GALNT2: variants seen among roughly 807,000 people sequenced by gnomAD.
The protein encoded by GALNT2 is polypeptide N-acetylgalactosaminyltransferase 2, also known as UDP-GalNAc:polypeptide N-acetylgalactosaminyltransferase 2.
Under a neutral mutation model 81.4 loss-of-function variants are expected in GALNT2, and 31 were observed. The observed-to-expected ratio is 0.38, with a 90% CI of 0.29 to 0.51. GALNT2 has a LOEUF of 0.51. Ranked by LOEUF, GALNT2 falls within the 20% of genes least tolerant of loss-of-function variation. The pLI is 0.87. For missense variants in GALNT2, 629 were observed against 765.7 expected, an observed-to-expected ratio of 0.82 and a Z score of 2.11; for synonymous variants, 303 against 287.4, an observed-to-expected ratio of 1.05 and a Z score of -0.55.
chr1:230,229,160 A>G (rs1558150349), intron 3 of GALNT2, among the ~76,000 whole-genome samples: 1 of 152,254 alleles, frequency 6.6e-6, no homozygotes, highest in Non-Finnish European at 1.5e-5. Context: ...CATAAACAAA[A>G]TTAAAGCATC....
intron 1 of GALNT2, among the ~76,000 whole-genome samples, chr1:230,152,915 ATGGCCTTCTCTC>A (rs1230612611): frequency 6.6e-6 from 1 of 152,140 alleles, no homozygotes; most frequent in Non-Finnish European, 1.5e-5. Flanking sequence ...GCCTGTATCT[ATGGCCTTCTCTC>A]TGGCTGTGGT....
intron 2 of GALNT2, 44 bp downstream of exon 2, chr1:230,178,355 T>C: frequency 6.9e-7 from 1 of 1,447,708 alleles, no homozygotes; most frequent in Non-Finnish European, 9.7e-7. Context: ...GAGCACGTGA[T>C]TGGGAGTGGA....
intron 1 of GALNT2, among the ~76,000 whole-genome samples, chr1:230,058,989 C>T (rs1381801691): frequency 4.6e-5 from 7 of 152,160 alleles, no homozygotes; most frequent in Non-Finnish European, 8.8e-5. Flanking sequence ...GTGGGAGGGG[C>T]GTGCGAACGA....
At position 230,265,265 on chromosome 1, in the gene GALNT2, T is replaced by A; in HGVS notation, c.1338T>A (p.Ala446=). The change falls in exon 14 of 16, where the codon GCT becomes GCA. Residue 446 remains alanine (A), a synonymous_variant. Coordinates refer to ENST00000366672, the MANE Select transcript of GALNT2 (RefSeq NM_004481.5). ...ELRVPDHQDI[A]FGALQQGTNC... ...GGGTTCCAGACCATCAGGATATAGC[T>A]TTTGGGGCCTTGCAGCAGGGAACTA... 6.2e-7 allele frequency: 1 copy of A among 1,614,196 alleles called. No homozygotes were observed.
chr1:230,192,062 A>C (rs1663544427), intron 2 of GALNT2, among the ~76,000 whole-genome samples: 1 of 152,260 alleles, frequency 6.6e-6, no homozygotes, highest in African/African-American at 2.4e-5. Flanking sequence ...TCAGAGACTC[A>C]GTCACTCCAG....
At chr1:230,059,662 G>A (rs1658997307) in intron 1 of GALNT2, among the ~76,000 whole-genome samples, 1 of 152,140 alleles carries the variant, frequency 6.6e-6, no homozygotes, top group Non-Finnish European at 1.5e-5. Flanking sequence ...TCACCATATT[G>A]CATGTAAAAC....
intron 1 of GALNT2, among the ~76,000 whole-genome samples, chr1:230,128,918 A>G (rs955097606): frequency 6.6e-6 from 1 of 152,200 alleles, no homozygotes; most frequent in African/African-American, 2.4e-5. Flanking sequence ...TCAGCCTGGC[A>G]CTTTGTGGAT....
At chr1:230,216,989 A>G (rs920996435) in intron 3 of GALNT2, among the ~76,000 whole-genome samples, 5 of 152,184 alleles carry the variant, frequency 3.3e-5, no homozygotes, top group Admixed American at 2.6e-4. Context: ...ATTTATTTTT[A>G]TTCTTGGATT....
At chr1:230,113,866 C>G (rs912822013) in intron 1 of GALNT2, among the ~76,000 whole-genome samples, 1 of 151,988 alleles carries the variant, frequency 6.6e-6, no homozygotes, top group African/African-American at 2.4e-5. Context: ...CTGCCTGTGA[C>G]TCAATGGCTG....
chr1:230,273,957 A>G (rs1322698466), intron 14 of GALNT2, among the ~76,000 whole-genome samples: 4 of 152,354 alleles, frequency 2.6e-5, no homozygotes, highest in Admixed American at 1.3e-4. Flanking sequence ...TTTTGCTTAC[A>G]TATGCAATGT....
In GALNT2 at chr1:230,279,305, A is replaced by T; in HGVS notation, c.1563A>T (p.Lys521Asn). The T allele has an allele frequency of 6.2e-7, 1 of 1,613,882 alleles. No homozygotes were observed. The highest frequency in any genetic ancestry group is 8.5e-7 in the Non-Finnish European group (1 of 1,179,854). ...QGCRENDSRQ[K>N]WEQIEGNSKL... ...AGGCACTCTCCTGTGTCTTGCAGAAATGGGAACAGATCGAGGGCAACTCCA... is the reference window on the plus strand; with the variant it reads ...AGGCACTCTCCTGTGTCTTGCAGAATTGGGAACAGATCGAGGGCAACTCCA... Residue 521 changes from lysine to asparagine, a missense_variant and splice_region_variant, in exon 16 of 16, where the codon AAA (lysine) becomes AAT (asparagine). Lys to Asn is a moderately conservative substitution (Grantham distance 94). Around this residue, in one of 3 missense-constraint regions of GALNT2, gnomAD observed 207 missense variants for 225.5 expected, o/e 0.92. Coordinates refer to ENST00000366672, the MANE Select transcript of GALNT2 (RefSeq NM_004481.5). The surrounding 1 kb of genome is among the most constrained non-coding windows in gnomAD (Gnocchi z 4.6).
At chr1:230,115,614 G>A (rs190114146) in intron 1 of GALNT2, among the ~76,000 whole-genome samples, 38 of 152,268 alleles carry the variant, frequency 2.5e-4, no homozygotes, top group African/African-American at 8.4e-4. Context: ...GACTGATGAC[G>A]GTGGTGGTGG....
At chr1:230,248,010 GC>G (rs1185864274) in intron 8 of GALNT2, among the ~76,000 whole-genome samples, 42 of 152,162 alleles carry the variant, frequency 2.8e-4, no homozygotes, top group African/African-American at 9.4e-4. Flanking sequence ...CAGCTCAGGG[GC>G]CCGCAGGGGT....
chr1:230,254,668 T>G (rs1000857441), intron 10 of GALNT2, among the ~76,000 whole-genome samples: 1 of 152,206 alleles, frequency 6.6e-6, no homozygotes, highest in Admixed American at 6.5e-5. Context: ...TGGGGTTCAG[T>G]CTGTTAAAAA....
chr1:230,099,418 G>A (rs1660338943), intron 1 of GALNT2, among the ~76,000 whole-genome samples: 1 of 152,180 alleles, frequency 6.6e-6, no homozygotes, highest in African/African-American at 2.4e-5. Context: ...TCTGCTGCAA[G>A]TTTCTCAAAA....
chr1:230,269,525 A>C (rs570730654), intron 14 of GALNT2, among the ~76,000 whole-genome samples: 115 of 152,224 alleles, frequency 7.6e-4, no homozygotes, highest in African/African-American at 2.6e-3. Flanking sequence ...GCCAGGTGCT[A>C]TGCCCAGAGA....
intron 6 of GALNT2, among the ~76,000 whole-genome samples, chr1:230,240,293 C>A (rs1665159150): frequency 6.6e-6 from 1 of 152,148 alleles, no homozygotes; most frequent in Admixed American, 6.5e-5. Context: ...TCTTTCAGCA[C>A]TTTAAAGGTT....
At position 230,095,147 on chromosome 1, in the gene GALNT2, C is replaced by A. The variant is rs12563322; in HGVS notation, c.126+27741C>A. On this transcript the variant is annotated intron_variant, in intron 1 of 15. Transcript: ENST00000366672. The stretch of plus-strand genomic sequence containing the variant: ...GGGAGAGTGTCGACCCTGACCCCAA[C>A]AAGCAGGGAGAGCTAGTGCAGAATG... Among the ~76,000 whole-genome samples, 12 of 152,130 alleles carry A rather than the reference C, an allele frequency of 7.9e-5. 1 individual carries two copies. The highest frequency in any genetic ancestry group is 7.9e-4 in the Admixed American group (12 of 15,286).
chr1:230,075,290 T>A (rs1207426820), intron 1 of GALNT2, among the ~76,000 whole-genome samples: 1 of 151,812 alleles, frequency 6.6e-6, no homozygotes, highest in Non-Finnish European at 1.5e-5. Flanking sequence ...CATGCCCAGC[T>A]GATTTTTGTA....
Sources: gnomAD v4.1 joint callset for allele counts (sites outside exome capture counted in the v4.1 genomes callset) on GRCh38, gnomAD v4.1.1 for gene constraint, gnomAD v4.1.1 regional missense constraint, Gnocchi (gnomAD v3.1) non-coding constraint, MANE v1.5 for transcripts, NCBI Gene and HGNC (gene_info 2026-07-23, HGNC 2026-07-21) for gene names.